LUC7L2: variants seen among roughly 807,000 people sequenced by gnomAD.
The protein encoded by LUC7L2 is LUC7 like 2, pre-mRNA splicing factor, also known as putative RNA-binding protein Luc7-like 2.
In LUC7L2, 25 loss-of-function variants were observed where a neutral mutation model predicts 52.8. That is an observed-to-expected ratio of 0.47 (90% CI 0.34 to 0.66). LUC7L2 has a LOEUF of 0.66. Ranked by LOEUF, LUC7L2 falls within the 30% of genes least tolerant of loss-of-function variation. The probability of loss-of-function intolerance (pLI) is 0.01; values close to 1 mark genes in which losing one functional copy is unlikely to be tolerated. For synonymous variants in LUC7L2, 144 were observed against 160.9 expected, an observed-to-expected ratio of 0.89 and a Z score of 0.80; for missense variants, 328 against 497.8, an observed-to-expected ratio of 0.66 and a Z score of 3.25.
At chr7:139,387,262 C>T (rs1585102465) in intron 2 of LUC7L2, among the ~76,000 whole-genome samples, 1 of 152,180 alleles carries the variant, frequency 6.6e-6, no homozygotes. Flanking sequence ...GGCGCGATCT[C>T]GGCTCACTGC....
intron 2 of LUC7L2, among the ~76,000 whole-genome samples, chr7:139,376,408 CAGA>C (rs1800713222): frequency 6.6e-6 from 1 of 152,082 alleles, no homozygotes; most frequent in Non-Finnish European, 1.5e-5. Context: ...ATTTGGAATA[CAGA>C]AGTAGTTATA....
At chr7:139,374,443 T>C in intron 1 of LUC7L2, 2 of 1,550,916 alleles carry the variant, frequency 1.3e-6, no homozygotes, top group Non-Finnish European at 1.7e-6. Context: ...TGCAAGGGAG[T>C]GTCAGAAAGG....
chr7:139,378,443 T>C lies in LUC7L2; in HGVS notation c.156+2287T>C, dbSNP rs2131220979. On this transcript the variant is annotated intron_variant, in intron 2 of 9. Coordinates refer to ENST00000354926, the MANE Select transcript of LUC7L2 (RefSeq NM_016019.5). ...AAAAAAAATTAGCCTGGCATGGTGG[T>C]ATTTCCTGAAGTCCTAACTGCCTGG... Among the ~76,000 whole-genome samples the C allele has an allele frequency of 1.3e-5, 2 of 151,980 alleles. 1 individual carries two copies. Among genetic ancestry groups the C allele is most frequent in the Non-Finnish European group, 2.9e-5 (2 of 67,958 alleles).
chr7:139,362,031 T>A (rs1296532890), intron 1 of LUC7L2, among the ~76,000 whole-genome samples: 1 of 146,372 alleles, frequency 6.8e-6, no homozygotes, highest in Admixed American at 6.8e-5. Context: ...ATATATATAT[T>A]TCTGTGTGTG....
chr7:139,379,961 G>T (rs1457692059), intron 2 of LUC7L2, among the ~76,000 whole-genome samples: 1 of 152,002 alleles, frequency 6.6e-6, no homozygotes, highest in East Asian at 1.9e-4. Flanking sequence ...ATCACTTGAG[G>T]TCAGGAGTTT....
chr7:139,380,790 C>T (rs1489976314), intron 2 of LUC7L2, among the ~76,000 whole-genome samples: 1 of 152,098 alleles, frequency 6.6e-6, no homozygotes. Flanking sequence ...TTCCTCAACA[C>T]ATTTCTTCTG....
intron 1 of LUC7L2, among the ~76,000 whole-genome samples, chr7:139,367,438 A>C (rs116591076): frequency 3.9e-5 from 6 of 152,244 alleles, no homozygotes; most frequent in African/African-American, 1.4e-4. Flanking sequence ...CTTGTCACTT[A>C]GGGTTCCTGT....
intron 2 of LUC7L2, 45 bp downstream of exon 2, chr7:139,376,201 GT>G (rs1396540863): frequency 1.9e-6 from 3 of 1,582,548 alleles, no homozygotes; most frequent in Non-Finnish European, 2.6e-6. Flanking sequence ...ATATGCTGCA[GT>G]AATGAACTAC....
chr7:139,374,404 C>T, intron 1 of LUC7L2: 1 of 1,550,448 alleles, frequency 6.4e-7, no homozygotes, highest in Admixed American at 2.0e-5. Context: ...TGTAAAGGTT[C>T]AATGTATCTA....
At chr7:139,408,236 A>G (rs116773731) in intron 6 of LUC7L2, among the ~76,000 whole-genome samples, 4,510 of 152,236 alleles carry the variant, frequency 0.03, 229 homozygotes, top group African/African-American at 0.1. Flanking sequence ...ATCTCAAGTA[A>G]TTTTTTAAAA....
intron 1 of LUC7L2, among the ~76,000 whole-genome samples, chr7:139,354,254 T>TA (rs1799543067): frequency 6.6e-6 from 1 of 152,156 alleles, no homozygotes; most frequent in African/African-American, 2.4e-5. Flanking sequence ...TTGAAATCAT[T>TA]AAAGAGCTAA....
Position 139,407,157 on chromosome 7 carries a change from T to G in LUC7L2, c.511-17T>G. 6.2e-7 allele frequency: 1 copy of G among 1,600,164 alleles called. No homozygotes were observed. The highest frequency in any genetic ancestry group is 8.5e-7 in the Non-Finnish European group (1 of 1,172,170). On this transcript the variant is annotated splice_polypyrimidine_tract_variant and intron_variant, in intron 5 of 9. Coordinates refer to ENST00000354926, the MANE Select transcript of LUC7L2 (RefSeq NM_016019.5). ...AGTGAGATTTATATGGTCATTGTTT[T>G]TCTCACTTTTGTTTAGGAAGTTTAT...
In LUC7L2 at chr7:139,422,218, A is replaced by G. The variant is rs776084354; in HGVS notation, c.1057A>G (p.Ser353Gly). 6.8e-6 allele frequency: 11 copies of G among 1,614,172 alleles called. No individual in the cohort carries two copies. Among genetic ancestry groups the G allele is most frequent in the Non-Finnish European group, 9.3e-6 (11 of 1,180,032 alleles). ...QDLASCDRDR[S>G]SRDRSPRDRD... ...CTTAGCATCATGTGACAGAGACAGG[A>G]GTTCAAGAGACAGATCACCTCGTGA... is the stretch of plus-strand genomic sequence containing the variant. The change falls in exon 10 of 10, where the codon AGT (serine) becomes GGT (glycine). Residue 353 changes from serine to glycine, a missense_variant. Ser to Gly is a moderately conservative substitution (Grantham distance 56). Transcript: ENST00000354926.
At chr7:139,342,980 G>A (rs567013593) in intron 1 of LUC7L2, among the ~76,000 whole-genome samples, 2 of 152,260 alleles carry the variant, frequency 1.3e-5, no homozygotes, top group African/African-American at 4.8e-5. Context: ...CTTTCCCTCC[G>A]GAGAAGGGAT....
intron 2 of LUC7L2, among the ~76,000 whole-genome samples, chr7:139,397,438 A>G (rs1794710621): frequency 6.6e-6 from 1 of 152,228 alleles, no homozygotes. Flanking sequence ...TGTAAGCTCC[A>G]TGAAGTCAGA....
At chr7:139,361,994 C>G (rs1395603408) in intron 1 of LUC7L2, among the ~76,000 whole-genome samples, 1 of 151,484 alleles carries the variant, frequency 6.6e-6, no homozygotes, top group African/African-American at 2.4e-5. Context: ...TTAGGCAGCC[C>G]GTCTAGTATT....
chr7:139,418,024 A>G (rs1030679032), intron 9 of LUC7L2, among the ~76,000 whole-genome samples: 1 of 152,224 alleles, frequency 6.6e-6, no homozygotes, highest in South Asian at 2.1e-4. Context: ...ATAATTTTAA[A>G]TACCAATACC....
chr7:139,412,561 C>G lies in LUC7L2; in HGVS notation c.790C>G (p.His264Asp). ...ATTTTTTTTTTTTAGGTCCCGATCA[C>G]ACAGCAAGAATCCAAAAAGGTAGGT... ...EREKLRRSRS[H>D]SKNPKRSRSR... is the part of the protein sequence containing the mutation. The change falls in exon 8 of 10, where the codon CAC becomes GAC. Residue 264 changes from histidine to aspartate, a missense_variant. Around this residue, in one of 2 missense-constraint regions of LUC7L2, gnomAD observed 195 missense variants for 223.3 expected, o/e 0.87. Transcript: ENST00000354926. The G allele has an allele frequency of 6.2e-7, 1 of 1,603,714 alleles. No homozygotes were observed. The highest frequency in any genetic ancestry group is 1.7e-4 in the Middle Eastern group (1 of 6,002).
intron 7 of LUC7L2, among the ~76,000 whole-genome samples, chr7:139,411,484 C>T (rs184247283): frequency 1.3e-3 from 191 of 152,272 alleles, no homozygotes; most frequent in Middle Eastern, 3.4e-3. Flanking sequence ...ATTAGTATCC[C>T]TCTTTTGCTA....
Sources: allele counts gnomAD v4.1 joint callset (sites outside exome capture counted in the v4.1 genomes callset), GRCh38; gene constraint gnomAD v4.1.1; regional missense constraint gnomAD v4.1.1; transcripts MANE v1.5; gene names NCBI Gene and HGNC (gene_info 2026-07-23, HGNC 2026-07-21).